The following RCAN1 variants were observed in gnomAD, a reference collection of about 807,000 sequenced individuals.
The protein encoded by RCAN1 is calcipressin-1.
Under a neutral mutation model 22.9 loss-of-function variants are expected in RCAN1, and 11 were observed. The observed-to-expected ratio is 0.48, with a 90% confidence interval of 0.30 to 0.79. RCAN1 has a LOEUF of 0.79. Among genes scored for constraint, RCAN1 ranks in the 30% least tolerant of loss-of-function variants. RCAN1 has a pLI of 0.06. For synonymous variants in RCAN1, 136 were observed against 142.3 expected (o/e 0.96, Z 0.32); for missense variants, 291 against 337.8 (o/e 0.86, Z 1.09).
chr21:34,546,599 G>A (rs1019196264), intron 1 of RCAN1, among the ~76,000 whole-genome samples: 1 of 152,106 alleles, frequency 6.6e-6, no homozygotes, highest in African/African-American at 2.4e-5. Flanking sequence ...AAGCAACACC[G>A]TCTTAGCAGT....
intron 1 of RCAN1, among the ~76,000 whole-genome samples, chr21:34,586,604 G>A (rs1319301675): frequency 6.6e-6 from 1 of 152,184 alleles, no homozygotes; most frequent in East Asian, 1.9e-4. Context: ...AAAAATTAAT[G>A]ATTTACATAT....
chr21:34,598,404 G>C (rs2123721275), intron 1 of RCAN1, among the ~76,000 whole-genome samples: 1 of 152,318 alleles, frequency 6.6e-6, no homozygotes. Context: ...CCTGATAGAA[G>C]AGCATATTTG....
At chr21:34,530,628 T>TGTTTG (rs57553232) in intron 1 of RCAN1, among the ~76,000 whole-genome samples, 15 of 136,670 alleles carry the variant, frequency 1.1e-4, no homozygotes, top group East Asian at 2.2e-4. Flanking sequence ...TTTTTTTTTT[T>TGTTTG]TTTTTTTTTT....
chr21:34,596,870 T>C (rs1045023767), intron 1 of RCAN1, among the ~76,000 whole-genome samples: 3 of 152,156 alleles, frequency 2.0e-5, no homozygotes, highest in African/African-American at 7.2e-5. Context: ...AGGGAAGGTG[T>C]CTGCGAGGCT....
intron 1 of RCAN1, among the ~76,000 whole-genome samples, chr21:34,548,022 G>C (rs1452181422): frequency 1.3e-5 from 2 of 152,122 alleles, no homozygotes; most frequent in Non-Finnish European, 2.9e-5. Flanking sequence ...AAGCCAGGAG[G>C]AGAGCCCTCA....
At chr21:34,525,068 G>A (rs1358429941) in intron 1 of RCAN1, 9 of 1,550,338 alleles carry the variant, frequency 5.8e-6, no homozygotes, top group Non-Finnish European at 7.8e-6. Context: ...TAGGCAGCGC[G>A]GACAGAGCTC....
chr21:34,577,952 T>C (rs1319859224), intron 1 of RCAN1, among the ~76,000 whole-genome samples: 3 of 152,084 alleles, frequency 2.0e-5, no homozygotes, highest in African/African-American at 7.2e-5. Context: ...TCGGACACAG[T>C]GTGAAAAGTC....
intron 1 of RCAN1, among the ~76,000 whole-genome samples, chr21:34,595,800 G>A (rs2268271): frequency 6.6e-6 from 1 of 152,074 alleles, no homozygotes; most frequent in South Asian, 2.1e-4. Flanking sequence ...TGGGCAGGCC[G>A]GACAGGCTGC....
At chr21:34,599,634 A>G (rs1568930447) in intron 1 of RCAN1, among the ~76,000 whole-genome samples, 1 of 152,174 alleles carries the variant, frequency 6.6e-6, no homozygotes, top group Non-Finnish European at 1.5e-5. Context: ...ATGTTTATAC[A>G]TGTGTGTGAA....
At chr21:34,524,952 G>C in intron 1 of RCAN1, 1 of 1,418,596 alleles carries the variant, frequency 7.0e-7, no homozygotes, top group Middle Eastern at 2.2e-4. Context: ...GCCGGGTTTT[G>C]TGAATCTTTT....
chr21:34,604,256 G>A lies in RCAN1; in HGVS notation c.252+10504C>T, dbSNP rs554536061. ...AGCGATTCTCCTGCCTCAGCCTCCC[G>A]AGTAGCTAGGATTACAGGCGCCCAC... On this transcript the variant is annotated intron_variant, in intron 1 of 3. Coordinates refer to ENST00000313806, the MANE Select transcript of RCAN1 (RefSeq NM_004414.7). Among the ~76,000 whole-genome samples the A allele has an allele frequency of 1.1e-4, 16 of 152,108 alleles. No individual in the cohort carries two copies. In the East Asian group the frequency reaches 2.3e-3, roughly 22 times the overall value.
chr21:34,596,303 T>C (rs539470626), intron 1 of RCAN1, among the ~76,000 whole-genome samples: 2 of 152,288 alleles, frequency 1.3e-5, no homozygotes, highest in Admixed American at 6.5e-5. Flanking sequence ...CGAGAGTCTC[T>C]GTAGCGTGGT....
Position 34,516,752 on chromosome 21 carries a change from T to A in RCAN1, c.*1332A>T, listed in dbSNP as rs1368299604. On this transcript the variant is annotated 3_prime_UTR_variant, in exon 4 of 4. Coordinates refer to ENST00000313806, the MANE Select transcript of RCAN1 (RefSeq NM_004414.7). ...AACCATCTTCCAAATTTCCAAAGCA[T>A]GCATTGTTACTTGGCATTAAGTATT... 6.6e-6 allele frequency: 1 copy of A among 152,410 alleles called. No individual in the cohort carries two copies. The highest frequency in any genetic ancestry group is 2.1e-4 in the South Asian group (1 of 4,832). The allele number at this position is 152,410 out of a possible 1,614,324, so 9.4% of individuals were successfully genotyped here.
rs773678582 is a variant in RCAN1 at position 34,518,102 on chromosome 21, C to T, written c.741G>A (p.Thr247=). The stretch of plus-strand genomic sequence containing the variant: ...TGCCAGTTCAGCTGAGGTGGATCGG[C>T]GTGTACTCCGGCCTCCTGGTCTGGA... ...KIIQTRRPEY[T]PIHLS The change falls in exon 4 of 4, where the codon ACG becomes ACA. Residue 247 remains threonine (T), a synonymous_variant. Transcript: ENST00000313806. This position sits in a 1 kb window ranked among gnomAD's most constrained non-coding sequence, Gnocchi z 4.2. 5.6e-6 allele frequency: 9 copies of T among 1,614,038 alleles called. No individual in the cohort carries two copies. Among genetic ancestry groups the T allele is most frequent in the East Asian group, 4.5e-5 (2 of 44,898 alleles).
At chr21:34,591,102 G>A (rs1286111782) in intron 1 of RCAN1, among the ~76,000 whole-genome samples, 2 of 152,180 alleles carry the variant, frequency 1.3e-5, no homozygotes, top group African/African-American at 4.8e-5. Context: ...CCCCGATCCA[G>A]TCCTCACTCC....
chr21:34,531,499 C>T (rs1455460474), intron 1 of RCAN1, among the ~76,000 whole-genome samples: 1 of 152,210 alleles, frequency 6.6e-6, no homozygotes, highest in Non-Finnish European at 1.5e-5. Context: ...CCCTCAGCAA[C>T]TGTAATATCT....
chr21:34,584,725 T>A lies in RCAN1; in HGVS notation c.252+30035A>T, dbSNP rs79482592. Among the ~76,000 whole-genome samples, 910 of 152,318 alleles carry A rather than the reference T, an allele frequency of 6.0e-3. 28 individuals are homozygous for A. The East Asian group carries it at 0.092, about 15-fold the overall frequency. On this transcript the variant is annotated intron_variant, in intron 1 of 3. Transcript: ENST00000313806. ...AAAAACTGAAAAGATAATACCTTCC[T>A]CAAACCATTGCAGAAGCGTGTACCT...
intron 1 of RCAN1, among the ~76,000 whole-genome samples, chr21:34,573,429 T>C (rs1036967484): frequency 1.3e-5 from 2 of 152,186 alleles, no homozygotes; most frequent in African/African-American, 4.8e-5. Flanking sequence ...CCTTGCCAAA[T>C]TTCAACCCTG....
At chr21:34,553,784 C>T (rs756070057) in intron 1 of RCAN1, among the ~76,000 whole-genome samples, 2 of 152,162 alleles carry the variant, frequency 1.3e-5, no homozygotes, top group Non-Finnish European at 2.9e-5. Context: ...CCAGAGTCAG[C>T]TCTACTTGTG....
Sources: allele counts gnomAD v4.1 joint callset (sites outside exome capture counted in the v4.1 genomes callset), GRCh38; gene constraint gnomAD v4.1.1; non-coding constraint Gnocchi (gnomAD v3.1); transcripts MANE v1.5; gene names NCBI Gene and HGNC (gene_info 2026-07-23, HGNC 2026-07-21).